Variants in CACNA2D3 observed in about 807,000 individuals in gnomAD.
CACNA2D3 encodes the protein calcium voltage-gated channel auxiliary subunit alpha2delta 3, also known as voltage-dependent calcium channel subunit alpha-2/delta-3.
CACNA2D3 carries 60 observed loss-of-function variants against 160.6 expected under a neutral mutation model. That is an observed-to-expected ratio of 0.37 (90% CI 0.30 to 0.46). The LOEUF (loss-of-function observed/expected upper bound fraction) is 0.46, where lower values mean the gene tolerates loss of function less well. Ranked by LOEUF, CACNA2D3 falls within the 20% of genes least tolerant of loss-of-function variation. CACNA2D3 has a pLI of 1.00. For synonymous variants in CACNA2D3, 558 were observed against 492.9 expected (o/e 1.13, Z -1.75); for missense variants, 1,205 against 1,365.0 (o/e 0.88, Z 1.85).
intron 13 of CACNA2D3, among the ~76,000 whole-genome samples, chr3:54,770,228 G>C (rs867494224): frequency 6.6e-6 from 1 of 152,182 alleles, no homozygotes; most frequent in Middle Eastern, 3.4e-3. Context: ...TTTTAGTAGT[G>C]GTATTTACAT....
At chr3:54,689,010 A>AAAAAAAGAG (rs1553785965) in intron 11 of CACNA2D3, among the ~76,000 whole-genome samples, 2,024 of 85,438 alleles carry the variant, frequency 0.024, 605 homozygotes, top group African/African-American at 0.048. Flanking sequence ...AAAAAAAAAA[A>AAAAAAAGAG]AGAATGAGGT....
At position 54,838,561 on chromosome 3, in the gene CACNA2D3, TC is replaced by T; in HGVS notation, c.1471-6del. The stretch of plus-strand genomic sequence containing the variant: ...TGTTATTATAATTCAATGTTTATTT[TC>T]GACAGAGATCGAAGGGCATTCTTCT... On this transcript the variant is annotated splice_region_variant and splice_polypyrimidine_tract_variant and intron_variant, in intron 15 of 37. Coordinates refer to ENST00000474759, the MANE Select transcript of CACNA2D3 (RefSeq NM_018398.3). The T allele has an allele frequency of 6.2e-7, 1 of 1,608,870 alleles. No individual in the cohort carries two copies. The highest frequency in any genetic ancestry group is 8.5e-7 in the Non-Finnish European group (1 of 1,175,256).
intron 4 of CACNA2D3, among the ~76,000 whole-genome samples, chr3:54,407,966 T>C (rs554705980): frequency 2.0e-4 from 30 of 152,296 alleles, no homozygotes; most frequent in African/African-American, 7.2e-4. Context: ...TATGATTCAT[T>C]CAGCCAATAG....
intron 4 of CACNA2D3, among the ~76,000 whole-genome samples, chr3:54,477,222 C>T (rs1169600461): frequency 6.6e-6 from 1 of 151,958 alleles, no homozygotes; most frequent in Admixed American, 6.6e-5. Context: ...GTACCTATAA[C>T]CTAAGAGGAA....
chr3:54,513,943 G>T (rs537744102), intron 5 of CACNA2D3, among the ~76,000 whole-genome samples: 134 of 152,268 alleles, frequency 8.8e-4, no homozygotes, highest in African/African-American at 3.2e-3. Context: ...AAAGTGCTGG[G>T]ATTACAGGCA....
intron 34 of CACNA2D3, among the ~76,000 whole-genome samples, chr3:55,010,541 T>C (rs1390831313): frequency 6.6e-6 from 1 of 152,220 alleles, no homozygotes; most frequent in East Asian, 1.9e-4. Context: ...TGCCCACTCA[T>C]GTGCTATTTC....
chr3:54,358,191 A>C (rs374557139), intron 3 of CACNA2D3, among the ~76,000 whole-genome samples: 1 of 152,298 alleles, frequency 6.6e-6, no homozygotes, highest in South Asian at 2.1e-4. Flanking sequence ...TTTCTTCTCA[A>C]TTTTTCTGTA....
intron 3 of CACNA2D3, among the ~76,000 whole-genome samples, chr3:54,350,980 T>G (rs962233892): frequency 1.5e-4 from 6 of 39,658 alleles, no homozygotes; most frequent in Non-Finnish European, 2.6e-4. Context: ...TTTTTTTTTT[T>G]TGTTTGTTTT....
intron 21 of CACNA2D3, among the ~76,000 whole-genome samples, chr3:54,884,533 A>C (rs1027557883): frequency 6.6e-6 from 1 of 152,244 alleles, no homozygotes; most frequent in East Asian, 1.9e-4. Flanking sequence ...GCATCATGGG[A>C]GTTCCCGAGG....
intron 5 of CACNA2D3, among the ~76,000 whole-genome samples, chr3:54,530,754 A>G (rs1322071875): frequency 1.3e-5 from 2 of 152,176 alleles, no homozygotes; most frequent in African/African-American, 4.8e-5. Flanking sequence ...TGAGGGTTAC[A>G]CAGCCCATTC....
At chr3:54,254,303 A>G (rs1228931023) in intron 2 of CACNA2D3, among the ~76,000 whole-genome samples, 1 of 152,132 alleles carries the variant, frequency 6.6e-6, no homozygotes, top group Admixed American at 6.5e-5. Flanking sequence ...GTGGTTCATT[A>G]TCTTACAATC....
intron 32 of CACNA2D3, among the ~76,000 whole-genome samples, chr3:55,005,845 T>C (rs948544541): frequency 1.3e-5 from 2 of 152,238 alleles, no homozygotes; most frequent in Non-Finnish European, 2.9e-5. Flanking sequence ...GTTATTATTT[T>C]GTAAATACCA....
chr3:54,265,599 G>GTA (rs931901158), intron 2 of CACNA2D3, among the ~76,000 whole-genome samples: 4 of 129,452 alleles, frequency 3.1e-5, no homozygotes, highest in Non-Finnish European at 4.7e-5. Flanking sequence ...TATATAGTGT[G>GTA]TATATATATA....
At chr3:54,417,879 C>T (rs1699780782) in intron 4 of CACNA2D3, among the ~76,000 whole-genome samples, 1 of 152,048 alleles carries the variant, frequency 6.6e-6, no homozygotes. Flanking sequence ...CCGGACCTCC[C>T]AGGCTCAGGT....
chr3:54,529,267 G>A (rs890839846), intron 5 of CACNA2D3, among the ~76,000 whole-genome samples: 2 of 152,104 alleles, frequency 1.3e-5, no homozygotes, highest in African/African-American at 2.4e-5. Flanking sequence ...AACAGTAGGC[G>A]TTCATGTTAG....
intron 4 of CACNA2D3, among the ~76,000 whole-genome samples, chr3:54,428,443 A>G (rs536036250): frequency 2.0e-5 from 3 of 152,358 alleles, no homozygotes; most frequent in South Asian, 2.1e-4. Context: ...AGCTGCAGCC[A>G]GACACCATAA....
intron 35 of CACNA2D3, among the ~76,000 whole-genome samples, chr3:55,034,920 CTT>C (rs1703780214): frequency 6.6e-6 from 1 of 152,104 alleles, no homozygotes; most frequent in South Asian, 2.1e-4. Flanking sequence ...TGGAACCATT[CTT>C]TATTAAGATA....
chr3:54,776,365 A>G (rs544989994), intron 13 of CACNA2D3, among the ~76,000 whole-genome samples: 14 of 152,184 alleles, frequency 9.2e-5, no homozygotes, highest in African/African-American at 3.1e-4. Flanking sequence ...AATTGAAGAA[A>G]TCAGCCAGGC....
intron 5 of CACNA2D3, among the ~76,000 whole-genome samples, chr3:54,509,832 T>A (rs1377502814): frequency 6.6e-6 from 1 of 152,248 alleles, no homozygotes; most frequent in Non-Finnish European, 1.5e-5. Context: ...TATCCCTGAC[T>A]TAAAATTCAC....
Sources: allele counts gnomAD v4.1 joint callset (sites outside exome capture counted in the v4.1 genomes callset), GRCh38; gene constraint gnomAD v4.1.1; transcripts MANE v1.5; gene names NCBI Gene and HGNC (gene_info 2026-07-23, HGNC 2026-07-21).